ARHGAP18: variants seen among roughly 807,000 people sequenced by gnomAD.
The protein encoded by ARHGAP18 is rho GTPase-activating protein 18.
In ARHGAP18, 67 loss-of-function variants were observed where a neutral mutation model predicts 86.2. That is an observed-to-expected ratio of 0.78 (90% CI 0.64 to 0.95). The LOEUF is 0.95. ARHGAP18 is among the 40% of genes least tolerant of loss of function. The pLI is 0.00. For synonymous variants in ARHGAP18, 283 were observed against 280.4 expected (o/e 1.01, Z -0.09); for missense variants, 691 against 780.4 (o/e 0.89, Z 1.37).
chr6:129,686,002 G>A (rs1220117236), intron 1 of ARHGAP18, among the ~76,000 whole-genome samples: 1 of 152,210 alleles, frequency 6.6e-6, no homozygotes, highest in African/African-American at 2.4e-5. Flanking sequence ...ATTGCCGGGG[G>A]CGGGCGGAGG....
At chr6:129,697,437 A>T (rs1191204164) in intron 1 of ARHGAP18, among the ~76,000 whole-genome samples, 1 of 77,864 alleles carries the variant, frequency 1.3e-5, no homozygotes, top group Non-Finnish European at 2.8e-5. Flanking sequence ...CATCCTGCAG[A>T]TGGGATTTTT....
chr6:129,587,039 T>A (rs1379500979), intron 12 of ARHGAP18, among the ~76,000 whole-genome samples: 1 of 152,206 alleles, frequency 6.6e-6, no homozygotes, highest in African/African-American at 2.4e-5. Context: ...CTGACTCATA[T>A]CTGTAGCCAC....
At chr6:129,612,018 GA>G (rs34376998) in intron 7 of ARHGAP18, among the ~76,000 whole-genome samples, 3 of 152,130 alleles carry the variant, frequency 2.0e-5, no homozygotes, top group Non-Finnish European at 2.9e-5. Context: ...CTTGTTCCAA[GA>G]AAGAATTATT....
intron 1 of ARHGAP18, among the ~76,000 whole-genome samples, chr6:129,699,593 G>C (rs17057651): frequency 2.6e-5 from 4 of 152,112 alleles, no homozygotes; most frequent in African/African-American, 9.7e-5. Flanking sequence ...CTAGTAAAAA[G>C]AAATTAATCC....
chr6:129,686,187 C>A (rs1562724648), intron 1 of ARHGAP18, among the ~76,000 whole-genome samples: 1 of 152,174 alleles, frequency 6.6e-6, no homozygotes, highest in Non-Finnish European at 1.5e-5. Flanking sequence ...CTTTTCCCAG[C>A]AGGGCCGTTC....
chr6:129,622,173 A>G (rs1010469732), intron 5 of ARHGAP18, among the ~76,000 whole-genome samples: 5 of 152,142 alleles, frequency 3.3e-5, no homozygotes, highest in Admixed American at 2.0e-4. Flanking sequence ...ATCAAACTCA[A>G]TGAGGTGGAG....
At chr6:129,659,628 C>G (rs1316267794) in intron 1 of ARHGAP18, among the ~76,000 whole-genome samples, 1 of 152,128 alleles carries the variant, frequency 6.6e-6, no homozygotes, top group Non-Finnish European at 1.5e-5. Context: ...CCACCACACC[C>G]TAGCTAATCT....
At chr6:129,626,105 C>CACACACACAT (rs1425322925) in intron 5 of ARHGAP18, among the ~76,000 whole-genome samples, 82 of 124,904 alleles carry the variant, frequency 6.6e-4, no homozygotes, top group African/African-American at 2.1e-3. Context: ...CACACACACA[C>CACACACACAT]ATATATAGAA....
chr6:129,661,108 C>T lies in ARHGAP18; in HGVS notation c.114-19090G>A, dbSNP rs114232709. 4.8e-3 allele frequency among the ~76,000 whole-genome samples: 717 copies of T among 149,794 alleles called. 7 individuals carry two copies. The highest frequency in any genetic ancestry group is 0.017 in the African/African-American group (695 of 40,868). ...CTTCTTTTTATGATTAAGACAAACT[C>T]GTATTAATGTTCCTTAATAGTCAGG... On this transcript the variant is annotated intron_variant, in intron 1 of 14. Transcript: ENST00000368149.
At chr6:129,668,212 C>T (rs969121049) in intron 1 of ARHGAP18, among the ~76,000 whole-genome samples, 1 of 152,092 alleles carries the variant, frequency 6.6e-6, no homozygotes, top group African/African-American at 2.4e-5. Context: ...TTTCCCAAGC[C>T]AGGACATGAT....
intron 12 of ARHGAP18, 111 bp downstream of exon 12, chr6:129,599,105 A>G: frequency 3.4e-6 from 3 of 890,956 alleles, no homozygotes; most frequent in Non-Finnish European, 3.1e-6. Context: ...AAGTAGCACC[A>G]CAGCCTAATA....
intron 1 of ARHGAP18, among the ~76,000 whole-genome samples, chr6:129,708,731 G>A (rs1186029393): frequency 3.3e-5 from 5 of 152,196 alleles, no homozygotes; most frequent in African/African-American, 1.2e-4. Flanking sequence ...AGTTATGGCT[G>A]GGTATGGGGT....
At chr6:129,619,137 A>G (rs1023696067) in intron 5 of ARHGAP18, among the ~76,000 whole-genome samples, 1 of 144,840 alleles carries the variant, frequency 6.9e-6, no homozygotes. Context: ...ACAGTGAACC[A>G]GGAGAAAAAG....
At chr6:129,611,365 C>T (rs537408073) in intron 8 of ARHGAP18, among the ~76,000 whole-genome samples, 168 bp downstream of exon 8, 1 of 152,136 alleles carries the variant, frequency 6.6e-6, no homozygotes, top group East Asian at 1.9e-4. Context: ...TAGCAAAAAC[C>T]AGAAGGGACT....
rs144510851 is a variant in ARHGAP18, at chr6:129,629,470, C to T, written c.669G>A (p.Thr223=). 13 of 1,613,618 alleles carry T rather than the reference C, an allele frequency of 8.1e-6. No individual in the cohort carries two copies. Among genetic ancestry groups the T allele is most frequent in the African/African-American group, 1.3e-5 (1 of 74,810 alleles). ...GGTTGATGTCTGTTTCAGGGGCAGG[C>T]GTCTCCTCAGGTGGGATCAGCTTCT... ...GEEKLIPPEE[T]PAPETDINLE... The change falls in exon 5 of 15, where the codon ACG becomes ACA. Residue 223 remains threonine (T), a synonymous_variant. Transcript: ENST00000368149.
chr6:129,599,845 T>C (rs1002559643), intron 11 of ARHGAP18, among the ~76,000 whole-genome samples: 1 of 152,164 alleles, frequency 6.6e-6, no homozygotes, highest in Non-Finnish European at 1.5e-5. Flanking sequence ...AAATTTATCC[T>C]AAGAAATCAC....
chr6:129,661,302 A>C (rs1773945723), intron 1 of ARHGAP18, among the ~76,000 whole-genome samples: 1 of 128,402 alleles, frequency 7.8e-6, no homozygotes, highest in Non-Finnish European at 1.7e-5. Flanking sequence ...AGCCTGTGCA[A>C]GAATCTTAAA....
chr6:129,621,448 C>G (rs1789226782), intron 5 of ARHGAP18, among the ~76,000 whole-genome samples: 1 of 152,114 alleles, frequency 6.6e-6, no homozygotes, highest in Non-Finnish European at 1.5e-5. Context: ...AAATTTCCAG[C>G]AGGGGGCAGG....
At chr6:129,605,779 C>T (rs1788839835) in intron 10 of ARHGAP18, 98 bp downstream of exon 10, 1 of 1,099,526 alleles carries the variant, frequency 9.1e-7, no homozygotes, top group Admixed American at 1.9e-5. Context: ...ACTTTTATGA[C>T]CATGTCCAAG....
Sources: allele counts gnomAD v4.1 joint callset (sites outside exome capture counted in the v4.1 genomes callset), GRCh38; gene constraint gnomAD v4.1.1; transcripts MANE v1.5; gene names NCBI Gene and HGNC (gene_info 2026-07-23, HGNC 2026-07-21).